Variants in SUMF1 observed in about 807,000 individuals in gnomAD.
SUMF1 encodes the protein formylglycine-generating enzyme.
In SUMF1, 48 loss-of-function variants were observed where a neutral mutation model predicts 47.6. The observed-to-expected ratio is 1.01, with a 90% CI of 0.80 to 1.28. The LOEUF (loss-of-function observed/expected upper bound fraction) is 1.28. Ranked by LOEUF, SUMF1 falls within the 50% of genes most tolerant of loss-of-function variation. The probability of loss-of-function intolerance (pLI) is 0.00; values close to 1 mark genes in which losing one functional copy is unlikely to be tolerated. For synonymous variants in SUMF1, 230 were observed against 192.1 expected (o/e 1.20, Z -1.63); for missense variants, 571 against 485.4 (o/e 1.18, Z -1.66).
chr3:4,300,396 A>C (rs1352295467), intron 8 of SUMF1, among the ~76,000 whole-genome samples: 2 of 150,588 alleles, frequency 1.3e-5, no homozygotes, highest in African/African-American at 2.5e-5. Context: ...ACCTAGCCTC[A>C]AGTATTTCTT....
intron 7 of SUMF1, among the ~76,000 whole-genome samples, chr3:4,398,162 C>T (rs1410927536): frequency 1.3e-5 from 2 of 152,080 alleles, no homozygotes; most frequent in Non-Finnish European, 2.9e-5. Flanking sequence ...ACTTTTATAG[C>T]AATAAATGTA....
chr3:4,121,142 C>A (rs1693531596), intron 8 of SUMF1, among the ~76,000 whole-genome samples: 1 of 152,032 alleles, frequency 6.6e-6, no homozygotes, highest in Non-Finnish European at 1.5e-5. Flanking sequence ...GCTTCCTCAA[C>A]TGTAAATTCA....
At chr3:4,340,474 C>CA (rs1241103550) in intron 8 of SUMF1, among the ~76,000 whole-genome samples, 2 of 152,308 alleles carry the variant, frequency 1.3e-5, no homozygotes, top group African/African-American at 2.4e-5. Flanking sequence ...ATCTGAGCTG[C>CA]ATGGGATAGG....
rs562988500 is a variant in SUMF1, at chr3:4,110,339, G to A, written c.1015-41594C>T. On this transcript the variant is annotated intron_variant and NMD_transcript_variant, in intron 8 of 12. Transcript: ENST00000448413. Reference sequence around the variant, plus strand: ...TGAGGTATCAGTCTGCCACTACTGGGGGATGCCTCCTAGTTAGGCTACTTG... The same window carrying A: ...TGAGGTATCAGTCTGCCACTACTGGAGGATGCCTCCTAGTTAGGCTACTTG... Among the ~76,000 whole-genome samples, 71 of 152,204 alleles carry A rather than the reference G, an allele frequency of 4.7e-4. 1 individual carries two copies. Among genetic ancestry groups the A allele is most frequent in the South Asian group, 2.3e-3 (11 of 4,822 alleles).
At chr3:4,055,046 A>C (rs1417750277) in intron 9 of SUMF1, among the ~76,000 whole-genome samples, 1 of 152,166 alleles carries the variant, frequency 6.6e-6, no homozygotes, top group Non-Finnish European at 1.5e-5. Flanking sequence ...TGACTTCGCT[A>C]GTTCACGTCT....
chr3:4,416,348 T>C (rs1261801018), intron 6 of SUMF1, among the ~76,000 whole-genome samples: 1 of 151,656 alleles, frequency 6.6e-6, no homozygotes, highest in Non-Finnish European at 1.5e-5. Context: ...TACATTGGGG[T>C]TTATTTATGA....
At chr3:4,316,960 C>T in intron 8 of SUMF1, 1 of 1,549,410 alleles carries the variant, frequency 6.5e-7, no homozygotes, top group South Asian at 1.2e-5. Context: ...CACGACAATG[C>T]CCGACCGCAT....
In SUMF1 at chr3:4,249,909, G is replaced by A. The variant is rs185753086; in HGVS notation, c.1014+126421C>T. On this transcript the variant is annotated intron_variant and NMD_transcript_variant, in intron 8 of 12. Transcript: ENST00000448413. ...GCAAAAGAGTCTCATTGGGCCAGGG[G>A]CAGTGGCTCATGCCTCTAATCCCAG... Among the ~76,000 whole-genome samples, 265 of 152,300 alleles carry A rather than the reference G, an allele frequency of 1.7e-3. 1 individual carries two copies. The highest frequency in any genetic ancestry group is 6.2e-3 in the African/African-American group (258 of 41,558).
chr3:4,181,058 A>G (rs1025697300), intron 8 of SUMF1, among the ~76,000 whole-genome samples: 2 of 152,300 alleles, frequency 1.3e-5, no homozygotes. Flanking sequence ...ATTGCTATCC[A>G]TATCAGAAAT....
chr3:4,313,123 T>C (rs1285739875), intron 8 of SUMF1: 1 of 1,614,032 alleles, frequency 6.2e-7, no homozygotes, highest in Admixed American at 1.7e-5. Context: ...CAGTGACCAC[T>C]GCAGAAACAG....
At chr3:4,143,463 G>A (rs1694120326) in intron 8 of SUMF1, among the ~76,000 whole-genome samples, 1 of 152,092 alleles carries the variant, frequency 6.6e-6, no homozygotes, top group Admixed American at 6.5e-5. Flanking sequence ...AGCAAGAACA[G>A]TAGCAATTAC....
intron 9 of SUMF1, among the ~76,000 whole-genome samples, chr3:4,041,203 C>G (rs1420864890): frequency 6.6e-6 from 1 of 152,198 alleles, no homozygotes. Flanking sequence ...CTCTGAGTAG[C>G]TGGGACTACA....
intron 9 of SUMF1, among the ~76,000 whole-genome samples, chr3:4,062,023 T>C (rs750501856): frequency 6.6e-6 from 1 of 152,074 alleles, no homozygotes; most frequent in African/African-American, 2.4e-5. Flanking sequence ...ACCTCTCCTC[T>C]AATACCGTCT....
intron 8 of SUMF1, among the ~76,000 whole-genome samples, chr3:4,314,879 C>T (rs911070031): frequency 2.0e-5 from 3 of 152,148 alleles, no homozygotes; most frequent in Admixed American, 2.0e-4. Flanking sequence ...TACATTTAAA[C>T]CCTACCACTA....
At chr3:4,209,941 C>A (rs1229229127) in intron 8 of SUMF1, among the ~76,000 whole-genome samples, 1 of 152,094 alleles carries the variant, frequency 6.6e-6, no homozygotes, top group African/African-American at 2.4e-5. Flanking sequence ...GTCACCCAGG[C>A]TGGAGTGCAG....
chr3:4,418,385 A>G (rs1299680871), intron 4 of SUMF1, among the ~76,000 whole-genome samples: 1 of 152,208 alleles, frequency 6.6e-6, no homozygotes, highest in East Asian at 1.9e-4. Context: ...GTAGGCTCGG[A>G]TTCCCACAGA....
intron 1 of SUMF1, 112 bp from the exon 2 acceptor site, chr3:4,453,161 A>G (rs1373532226): frequency 1.5e-5 from 16 of 1,091,516 alleles, no homozygotes; most frequent in Middle Eastern, 2.7e-4. Context: ...TCTTCACCAC[A>G]GTAATAACTG....
intron 8 of SUMF1, among the ~76,000 whole-genome samples, chr3:4,374,629 A>T (rs1700267108): frequency 6.6e-6 from 1 of 152,226 alleles, no homozygotes; most frequent in Non-Finnish European, 1.5e-5. Context: ...TTCTGAATTT[A>T]GAAAAGTGCC....
chr3:4,290,830 C>T (rs999888341), intron 8 of SUMF1, among the ~76,000 whole-genome samples: 6 of 152,070 alleles, frequency 3.9e-5, no homozygotes, highest in African/African-American at 7.2e-5. Context: ...TCATCAATAG[C>T]TTAACATTCA....
Sources: gnomAD v4.1 joint callset for allele counts (sites outside exome capture counted in the v4.1 genomes callset) on GRCh38, gnomAD v4.1.1 for gene constraint, MANE v1.5 for transcripts, NCBI Gene and HGNC (gene_info 2026-07-23, HGNC 2026-07-21) for gene names.